The following GRHL2 variants were observed in gnomAD, a reference collection of about 807,000 sequenced individuals.
GRHL2 encodes the protein grainyhead-like protein 2 homolog.
GRHL2 carries 21 observed loss-of-function variants against 83.8 expected under a neutral mutation model. The observed-to-expected ratio is 0.25, with a 90% CI of 0.18 to 0.36. The LOEUF is 0.36. Ranked by LOEUF, GRHL2 falls within the 10% of genes least tolerant of loss-of-function variation. The pLI is 1.00. For synonymous variants in GRHL2, 280 were observed against 278.9 expected (o/e 1.00, Z -0.04); for missense variants, 623 against 781.8 (o/e 0.80, Z 2.42).
At chr8:101,504,878 C>G (rs992046297) in intron 1 of GRHL2, among the ~76,000 whole-genome samples, 1 of 150,882 alleles carries the variant, frequency 6.6e-6, no homozygotes, top group Non-Finnish European at 1.5e-5. Context: ...TCAACCTATC[C>G]AAGAAGCATC....
At chr8:101,493,915 G>A (rs1810034879) in intron 1 of GRHL2, among the ~76,000 whole-genome samples, 1 of 151,916 alleles carries the variant, frequency 6.6e-6, no homozygotes, top group Non-Finnish European at 1.5e-5. Context: ...CGAGCCGGGG[G>A]AGGTGGGGCC....
intron 7 of GRHL2, among the ~76,000 whole-genome samples, chr8:101,579,003 G>A (rs1236370987): frequency 6.6e-6 from 1 of 152,284 alleles, no homozygotes; most frequent in African/African-American, 2.4e-5. Context: ...TGAGGCCTAG[G>A]AAGTCTCACT....
intron 12 of GRHL2, among the ~76,000 whole-genome samples, chr8:101,642,036 G>C (rs546466088): frequency 3.9e-5 from 6 of 152,194 alleles, no homozygotes; most frequent in Non-Finnish European, 8.8e-5. Flanking sequence ...TATTGTGGTT[G>C]GTTGAAGCTA....
At chr8:101,621,533 C>T (rs1586150611) in intron 9 of GRHL2, among the ~76,000 whole-genome samples, 1 of 151,732 alleles carries the variant, frequency 6.6e-6, no homozygotes, top group African/African-American at 2.4e-5. Flanking sequence ...AGCTGGAAAA[C>T]AATAAAATTT....
chr8:101,525,903 G>T (rs1810793942), intron 1 of GRHL2, among the ~76,000 whole-genome samples: 1 of 152,184 alleles, frequency 6.6e-6, no homozygotes, highest in Admixed American at 6.5e-5. Flanking sequence ...GGAGGTGGAG[G>T]TTACAGTGAG....
intron 14 of GRHL2, among the ~76,000 whole-genome samples, chr8:101,655,731 A>C (rs1813771791): frequency 6.6e-6 from 1 of 152,244 alleles, no homozygotes; most frequent in African/African-American, 2.4e-5. Context: ...CCATCCACAT[A>C]ACTTTGATGA....
At chr8:101,545,498 G>A (rs951380200) in intron 2 of GRHL2, among the ~76,000 whole-genome samples, 3 of 147,814 alleles carry the variant, frequency 2.0e-5, no homozygotes, top group Non-Finnish European at 4.4e-5. Context: ...TGATTTCATG[G>A]TAGGCTTTTT....
intron 1 of GRHL2, among the ~76,000 whole-genome samples, chr8:101,538,104 GT>G (rs1434845416): frequency 6.6e-6 from 1 of 152,132 alleles, no homozygotes; most frequent in Non-Finnish European, 1.5e-5. Flanking sequence ...CACTGTCCTA[GT>G]TTTTGTTTTG....
intron 8 of GRHL2, among the ~76,000 whole-genome samples, chr8:101,602,852 A>C (rs926027911): frequency 6.6e-6 from 1 of 152,232 alleles, no homozygotes; most frequent in Admixed American, 6.5e-5. Flanking sequence ...GGGTAGGCTG[A>C]AGCTGTAGGT....
chr8:101,527,044 C>A (rs558550972), intron 1 of GRHL2, among the ~76,000 whole-genome samples: 192 of 152,160 alleles, frequency 1.3e-3, no homozygotes, highest in African/African-American at 3.6e-3. Flanking sequence ...TGAACTTTTG[C>A]CCAACATTAG....
At chr8:101,541,094 T>C (rs1811143524) in intron 1 of GRHL2, among the ~76,000 whole-genome samples, 2 of 152,064 alleles carry the variant, frequency 1.3e-5, no homozygotes, top group African/African-American at 2.4e-5. Flanking sequence ...TCCGTCACTG[T>C]TGCTGCAAAA....
chr8:101,678,042 G>A, the GRHL2 span, among the ~76,000 whole-genome samples: 1 of 152,242 alleles, frequency 6.6e-6, no homozygotes, highest in South Asian at 2.1e-4. Context: ...TCAGTAAAGT[G>A]TTCAGCACAC....
At chr8:101,577,981 G>A (rs1811966986) in intron 7 of GRHL2, among the ~76,000 whole-genome samples, 1 of 152,184 alleles carries the variant, frequency 6.6e-6, no homozygotes, top group South Asian at 2.1e-4. Flanking sequence ...CACATGCCTA[G>A]TGTAAGCAAT....
intron 13 of GRHL2, 138 bp downstream of exon 13, chr8:101,644,363 GT>G (rs972116458): frequency 1.4e-6 from 1 of 702,728 alleles, no homozygotes; most frequent in Non-Finnish European, 2.6e-6. Flanking sequence ...GAAGTCCACA[GT>G]CTTCTTCTTT....
At chr8:101,525,505 A>G (rs1418963472) in intron 1 of GRHL2, among the ~76,000 whole-genome samples, 1 of 151,938 alleles carries the variant, frequency 6.6e-6, no homozygotes, top group Admixed American at 6.6e-5. Context: ...GTTTTATTTC[A>G]TTATTATGCT....
intron 2 of GRHL2, among the ~76,000 whole-genome samples, chr8:101,550,178 CTTTTT>C (rs4002324): frequency 0.026 from 3,870 of 149,414 alleles, 90 homozygotes; most frequent in Admixed American, 0.077. Flanking sequence ...ATATGCAGGT[CTTTTT>C]TTTTTTTAAA....
Position 101,498,857 on chromosome 8 carries a change from C to T in GRHL2, c.20+6068C>T, listed in dbSNP as rs566304353. Among the ~76,000 whole-genome samples the T allele has an allele frequency of 6.2e-3, 945 of 152,040 alleles. 5 individuals are homozygous for T. The highest frequency in any genetic ancestry group is 0.014 in the Middle Eastern group (4 of 294). Reference sequence around the variant, plus strand: ...TTGGGAGGCCGAGGTGGGCGGATCACGAGGTCAGGAGATCGAGACCATCCT... The same window carrying T: ...TTGGGAGGCCGAGGTGGGCGGATCATGAGGTCAGGAGATCGAGACCATCCT... On this transcript the variant is annotated intron_variant, in intron 1 of 15. Transcript: ENST00000646743.
intron 1 of GRHL2, among the ~76,000 whole-genome samples, chr8:101,540,471 A>G (rs1811129037): frequency 6.6e-6 from 1 of 152,202 alleles, no homozygotes; most frequent in South Asian, 2.1e-4. Context: ...TTTGCAATTG[A>G]GTCAATGTTC....
intron 8 of GRHL2, among the ~76,000 whole-genome samples, chr8:101,600,746 A>G (rs182596228): frequency 1.3e-5 from 2 of 152,298 alleles, no homozygotes; most frequent in East Asian, 1.9e-4. Flanking sequence ...TGATGATCCA[A>G]TGCTCTGGGG....
Sources: allele counts gnomAD v4.1 joint callset (sites outside exome capture counted in the v4.1 genomes callset), GRCh38; gene constraint gnomAD v4.1.1; transcripts MANE v1.5; gene names NCBI Gene and HGNC (gene_info 2026-07-23, HGNC 2026-07-21).